MED27: variants seen among roughly 807,000 people sequenced by gnomAD.
MED27 encodes the protein mediator complex subunit 27.
Under a neutral mutation model 38.2 loss-of-function variants are expected in MED27, and 30 were observed. That is an observed-to-expected ratio of 0.79 (90% CI 0.59 to 1.07). The LOEUF is 1.07. Ranked by LOEUF, MED27 falls within the 50% of genes least tolerant of loss-of-function variation. MED27 has a pLI of 0.00. For synonymous variants in MED27, 122 were observed against 153.5 expected (o/e 0.79, Z 1.52); for missense variants, 289 against 397.5 (o/e 0.73, Z 2.32).
At chr9:131,877,047 G>A (rs1838947534) in intron 6 of MED27, among the ~76,000 whole-genome samples, 1 of 152,202 alleles carries the variant, frequency 6.6e-6, no homozygotes, top group South Asian at 2.1e-4. Flanking sequence ...AAAGACAGAA[G>A]GGCCTTCAAC....
intron 3 of MED27, among the ~76,000 whole-genome samples, chr9:131,944,399 A>G (rs1050077893): frequency 2.6e-5 from 4 of 152,092 alleles, no homozygotes; most frequent in African/African-American, 9.7e-5. Context: ...TCTGCACCCA[A>G]TCACCCTACT....
rs142872489 is a variant in MED27, at chr9:132,037,851, C to T, written c.349-23384G>A. Among the ~76,000 whole-genome samples, 224 of 152,266 alleles carry T rather than the reference C, an allele frequency of 1.5e-3. 1 individual carries two copies. The highest frequency in any genetic ancestry group is 5.2e-3 in the African/African-American group (218 of 41,550). On this transcript the variant is annotated intron_variant, in intron 2 of 7. Coordinates refer to ENST00000292035, the MANE Select transcript of MED27 (RefSeq NM_004269.4). ...GCTGACACACAACATGTCCCGACCC[C>T]AGACAGGAGCTGCACCTAGATCTCT...
intron 4 of MED27, among the ~76,000 whole-genome samples, chr9:131,926,202 T>A (rs566104862): frequency 1.3e-5 from 2 of 152,366 alleles, no homozygotes; most frequent in Admixed American, 6.5e-5. Flanking sequence ...GGGCAAAAAC[T>A]TCGTGTGGTC....
chr9:131,987,061 T>G (rs544057243), intron 3 of MED27, among the ~76,000 whole-genome samples: 2 of 143,690 alleles, frequency 1.4e-5, no homozygotes, highest in Non-Finnish European at 3.0e-5. Flanking sequence ...CATAACTTGG[T>G]TCAGTATAAA....
In MED27 at chr9:131,982,883, G is replaced by A. The variant is rs1364048574; in HGVS notation, c.479+31454C>T. Reference sequence around the variant, plus strand: ...AAAACTCTGTTTACAGAAACGGGTAGTAGGCTAGTGGGCCTTGGTTTGCCA... The same window carrying A: ...AAAACTCTGTTTACAGAAACGGGTAATAGGCTAGTGGGCCTTGGTTTGCCA... On this transcript the variant is annotated intron_variant, in intron 3 of 7. Coordinates refer to ENST00000292035, the MANE Select transcript of MED27 (RefSeq NM_004269.4). This position sits in a 1 kb window ranked among gnomAD's most constrained non-coding sequence, Gnocchi z 4.3. 3.3e-5 allele frequency among the ~76,000 whole-genome samples: 5 copies of A among 152,240 alleles called. No homozygotes were observed. Among genetic ancestry groups the A allele is most frequent in the Admixed American group, 2.6e-4 (4 of 15,292 alleles).
At position 131,861,290 on chromosome 9, in the gene MED27, T is replaced by C. The variant is rs1838647572; in HGVS notation, c.802-618A>G. 6.6e-6 allele frequency among the ~76,000 whole-genome samples: 1 copy of C among 152,044 alleles called. No homozygotes were observed. Among genetic ancestry groups the C allele is most frequent in the Non-Finnish European group, 1.5e-5 (1 of 68,008 alleles). ...GAGTGCAGAGCTTTCTTGGGCGTCA[T>C]ACATAAGGATGAGCCTCCCGTAACT... On this transcript the variant is annotated intron_variant, in intron 7 of 7. Transcript: ENST00000292035. The surrounding 1 kb of genome is among the most constrained non-coding windows in gnomAD (Gnocchi z 4.4).
intron 3 of MED27, among the ~76,000 whole-genome samples, chr9:132,004,047 T>A (rs760935073): frequency 2.6e-5 from 4 of 152,038 alleles, no homozygotes; most frequent in Non-Finnish European, 4.4e-5. Context: ...GACTTCCTCC[T>A]AGCTTTCTGC....
chr9:131,960,767 G>A (rs1347731511), intron 3 of MED27, among the ~76,000 whole-genome samples: 1 of 152,184 alleles, frequency 6.6e-6, no homozygotes, highest in African/African-American at 2.4e-5. Flanking sequence ...TTAACAACAA[G>A]GGGAGAGTGT....
At position 131,873,404 on chromosome 9, in the gene MED27, G is replaced by A. The variant is rs555889784; in HGVS notation, c.724-10264C>T. The stretch of plus-strand genomic sequence containing the variant: ...GATGTTAGGGGGCGATGGGGAGTGC[G>A]CAGAGACGAGCTTCTCAAATGGGGA... On this transcript the variant is annotated intron_variant, in intron 6 of 7. Coordinates refer to ENST00000292035, the MANE Select transcript of MED27 (RefSeq NM_004269.4). 7.9e-5 allele frequency among the ~76,000 whole-genome samples: 12 copies of A among 152,332 alleles called. No homozygotes were observed. In the East Asian group the frequency reaches 1.3e-3, roughly 17 times the overall value.
rs1833462278 is a variant in MED27 at position 132,051,395 on chromosome 9, T to C, written c.348+26047A>G. Among the ~76,000 whole-genome samples the C allele has an allele frequency of 6.6e-6, 1 of 152,234 alleles. No individual in the cohort carries two copies. Among genetic ancestry groups the C allele is most frequent in the Non-Finnish European group, 1.5e-5 (1 of 68,036 alleles). Reference sequence around the variant, plus strand: ...ACTACGTTGGGGAAAAAAGAGGGCTTGTCTTGGCCACAGAGTCCAAGGCTC... The same window carrying C: ...ACTACGTTGGGGAAAAAAGAGGGCTCGTCTTGGCCACAGAGTCCAAGGCTC... On this transcript the variant is annotated intron_variant, in intron 2 of 7. Transcript: ENST00000292035. The surrounding 1 kb of genome is among the most constrained non-coding windows in gnomAD (Gnocchi z 4.2).
At position 132,003,039 on chromosome 9, in the gene MED27, C is replaced by A. The variant is rs1269455975; in HGVS notation, c.479+11298G>T. On this transcript the variant is annotated intron_variant, in intron 3 of 7. Transcript: ENST00000292035. The surrounding 1 kb of genome is among the most constrained non-coding windows in gnomAD (Gnocchi z 4.2). ...ACAACCAGCATTAGTTGGGGGACAGCATGGTGTGAAGTATTAACAATCCTG... is the reference window on the plus strand; with the variant it reads ...ACAACCAGCATTAGTTGGGGGACAGAATGGTGTGAAGTATTAACAATCCTG... 1.3e-5 allele frequency among the ~76,000 whole-genome samples: 2 copies of A among 151,818 alleles called. No homozygotes were observed. The highest frequency in any genetic ancestry group is 1.3e-4 in the Admixed American group (2 of 15,266).
At chr9:132,012,894 T>C (rs1204681388) in intron 3 of MED27, among the ~76,000 whole-genome samples, 1 of 152,120 alleles carries the variant, frequency 6.6e-6, no homozygotes, top group Non-Finnish European at 1.5e-5. Flanking sequence ...ACAGAGTAGG[T>C]ACAATAAATA....
At chr9:131,954,821 A>G (rs1589231913) in intron 3 of MED27, among the ~76,000 whole-genome samples, 1 of 152,164 alleles carries the variant, frequency 6.6e-6, no homozygotes, top group East Asian at 1.9e-4. Flanking sequence ...TATTTTTTTA[A>G]AAGCTTAGAA....
intron 3 of MED27, among the ~76,000 whole-genome samples, chr9:131,947,203 T>A (rs1255253822): frequency 6.6e-6 from 1 of 152,140 alleles, no homozygotes; most frequent in African/African-American, 2.4e-5. Context: ...CAGAGGAAGA[T>A]GTGAGGTGTC....
At chr9:131,894,027 G>A (rs1209179846) in intron 4 of MED27, 35 bp from the exon 5 acceptor site, 5 of 1,547,768 alleles carry the variant, frequency 3.2e-6, no homozygotes, top group East Asian at 2.2e-5. Flanking sequence ...ACTTGAACAC[G>A]CAAATCACAC....
intron 4 of MED27, among the ~76,000 whole-genome samples, chr9:131,935,707 C>T (rs189281637): frequency 8.7e-4 from 133 of 152,124 alleles, no homozygotes; most frequent in African/African-American, 3.1e-3. Flanking sequence ...GACCACGGGT[C>T]GGGAGGCAGG....
intron 3 of MED27, among the ~76,000 whole-genome samples, chr9:131,948,876 A>G (rs948531608): frequency 1.3e-5 from 2 of 152,194 alleles, no homozygotes; most frequent in Non-Finnish European, 2.9e-5. Context: ...AGCCATGTGA[A>G]TATATTACCT....
chr9:131,954,465 G>T (rs1254159133), intron 3 of MED27, among the ~76,000 whole-genome samples: 1 of 152,180 alleles, frequency 6.6e-6, no homozygotes, highest in Non-Finnish European at 1.5e-5. Flanking sequence ...ATTGATGCTT[G>T]CAATGCCCTG....
At chr9:131,998,855 TTAATG>T (rs1245145180) in intron 3 of MED27, among the ~76,000 whole-genome samples, 2 of 152,130 alleles carry the variant, frequency 1.3e-5, no homozygotes, top group African/African-American at 4.8e-5. Context: ...TTTGATTTAC[TTAATG>T]TATTTACTTA....
Sources: allele counts gnomAD v4.1 joint callset (sites outside exome capture counted in the v4.1 genomes callset), GRCh38; gene constraint gnomAD v4.1.1; non-coding constraint Gnocchi (gnomAD v3.1); transcripts MANE v1.5; gene names NCBI Gene and HGNC (gene_info 2026-07-23, HGNC 2026-07-21).